FER1L6: variants seen among roughly 807,000 people sequenced by gnomAD.
FER1L6 encodes fer-1-like protein 6.
A neutral mutation model predicts 219.2 loss-of-function variants in FER1L6; 177 were observed. The ratio of observed to expected loss-of-function variants is 0.81; its 90% confidence interval spans 0.71 to 0.91. The LOEUF is 0.91. FER1L6 is among the 40% of genes least tolerant of loss of function. The pLI is 0.00. For missense variants in FER1L6, 2,153 were observed against 2,259.9 expected (o/e 0.95, Z 0.96); for synonymous variants, 768 against 824.3 (o/e 0.93, Z 1.17).
rs56224402 is a variant in FER1L6 at position 123,904,224 on chromosome 8, T to TTGTGTGTGTGTGTGTGTG, written c.-7-51741_-7-51724dup. Among the ~76,000 whole-genome samples, 577 of 139,456 alleles carry TTGTGTGTGTGTGTGTGTG rather than the reference T, an allele frequency of 4.1e-3. 8 individuals are homozygous for TTGTGTGTGTGTGTGTGTG. Among genetic ancestry groups the TTGTGTGTGTGTGTGTGTG allele is most frequent in the Middle Eastern group, 0.012 (3 of 258 alleles). 91.5% of individuals were successfully genotyped at this position (139,456 alleles called of 152,430 possible). On this transcript the variant is annotated intron_variant, in intron 1 of 40. Transcript: ENST00000522917. ...ATATTTTAGAATAAACTCTGTATAT[T>TTGTGTGTGTGTGTGTGTG]TGTGTGTGTGTGTGTGTGTGTGTGT... is the stretch of plus-strand genomic sequence containing the variant.
chr8:124,067,728 A>C lies in FER1L6; in HGVS notation c.3679-39A>C, dbSNP rs748499132. The C allele has an allele frequency of 1.1e-5, 17 of 1,552,268 alleles. No individual in the cohort carries two copies. The South Asian group carries it at 1.9e-4, about 17-fold the overall frequency. ...TTGTTAGCAGTCAATTAATAAATCAAGTATTGTGGTGTCAATAATATTGTC... is the reference window on the plus strand; with the variant it reads ...TTGTTAGCAGTCAATTAATAAATCACGTATTGTGGTGTCAATAATATTGTC... On this transcript the variant is annotated intron_variant, in intron 27 of 40. Transcript: ENST00000522917.
At chr8:123,926,366 A>G (rs1813561327) in intron 1 of FER1L6, among the ~76,000 whole-genome samples, 2 of 152,178 alleles carry the variant, frequency 1.3e-5, no homozygotes, top group Non-Finnish European at 1.5e-5. Flanking sequence ...GTGGCCTGGA[A>G]GTAGGTGGCC....
chr8:124,011,941 G>A (rs7006498), intron 14 of FER1L6, among the ~76,000 whole-genome samples: 3,131 of 152,292 alleles, frequency 0.021, 106 homozygotes, highest in African/African-American at 0.072. Flanking sequence ...TTGAATGTCT[G>A]AAAGTATTTT....
intron 1 of FER1L6, among the ~76,000 whole-genome samples, chr8:123,855,678 CATAT>C (rs765643836): frequency 3.1e-5 from 4 of 129,954 alleles, no homozygotes; most frequent in East Asian, 4.2e-4. Flanking sequence ...AAGTGAAAAC[CATAT>C]GTGTGTGTGT....
chr8:124,103,726 C>T (rs890084640), intron 39 of FER1L6, among the ~76,000 whole-genome samples: 1 of 152,200 alleles, frequency 6.6e-6, no homozygotes, highest in Non-Finnish European at 1.5e-5. Flanking sequence ...CCACTTCCTG[C>T]CAATGCATGT....
chr8:124,033,504 T>C (rs997393602), intron 18 of FER1L6, among the ~76,000 whole-genome samples: 3 of 152,156 alleles, frequency 2.0e-5, no homozygotes, highest in African/African-American at 7.2e-5. Flanking sequence ...GATTTTTTTT[T>C]TTGAGCTCAA....
chr8:123,865,631 A>C (rs1335891860), intron 1 of FER1L6, among the ~76,000 whole-genome samples: 1 of 151,060 alleles, frequency 6.6e-6, no homozygotes, highest in African/African-American at 2.5e-5. Context: ...GCAATCAGCG[A>C]GATTCCGTGG....
intron 19 of FER1L6, among the ~76,000 whole-genome samples, chr8:124,038,273 G>T (rs114622403): frequency 6.6e-6 from 1 of 152,170 alleles, no homozygotes; most frequent in South Asian, 2.1e-4. Flanking sequence ...CACCACCTCC[G>T]CTATGGTCTG....
intron 34 of FER1L6, 103 bp downstream of exon 34, chr8:124,091,686 G>A: frequency 7.9e-7 from 1 of 1,264,316 alleles, no homozygotes; most frequent in East Asian, 2.4e-5. Flanking sequence ...AAGTAATGTG[G>A]CCAGGCACAG....
chr8:124,055,356 T>C (rs6992212), intron 22 of FER1L6, among the ~76,000 whole-genome samples: 3,001 of 151,906 alleles, frequency 0.02, 107 homozygotes, highest in African/African-American at 0.069. Context: ...GCCTGGGTGA[T>C]AGAGCAAGAC....
At chr8:124,057,524 T>A (rs1171030256) in intron 22 of FER1L6, among the ~76,000 whole-genome samples, 1 of 152,200 alleles carries the variant, frequency 6.6e-6, no homozygotes, top group Non-Finnish European at 1.5e-5. Context: ...TGGAAAATTG[T>A]CAGCCTTTAT....
chr8:124,078,713 A>AGCGT (rs61452366), intron 32 of FER1L6, among the ~76,000 whole-genome samples: 1 of 151,780 alleles, frequency 6.6e-6, no homozygotes, highest in African/African-American at 2.4e-5. Flanking sequence ...CCCAGGTGGG[A>AGCGT]TGGGATGGGT....
chr8:124,061,757 AG>A (rs1446980274), intron 24 of FER1L6, 94 bp from the exon 25 acceptor site: 3 of 1,227,880 alleles, frequency 2.4e-6, no homozygotes, highest in Non-Finnish European at 3.5e-6. Flanking sequence ...CAGAATGGCA[AG>A]GCAGAGACAA....
chr8:123,955,888 G>C lies in FER1L6; in HGVS notation c.-7-104G>C, dbSNP rs1041531805. ...GCCCTCATCCTGGGTGGATGAGGAGGCTGGTGGGCTTCATGAAGCTCGGTG... is the reference window on the plus strand; with the variant it reads ...GCCCTCATCCTGGGTGGATGAGGAGCCTGGTGGGCTTCATGAAGCTCGGTG... On this transcript the variant is annotated intron_variant, in intron 1 of 40. Transcript: ENST00000522917. 5.1e-6 allele frequency: 5 copies of C among 988,796 alleles called. No homozygotes were observed. In the African/African-American group the frequency reaches 8.1e-5, roughly 16 times the overall value. The allele number at this position is 988,796 out of a possible 1,614,324, so 61.3% of individuals were successfully genotyped here.
At chr8:124,088,979 C>G (rs1821901485) in intron 33 of FER1L6, among the ~76,000 whole-genome samples, 1 of 152,060 alleles carries the variant, frequency 6.6e-6, no homozygotes, top group Non-Finnish European at 1.5e-5. Flanking sequence ...GTGGTGCGAG[C>G]ACTCCCATGG....
intron 19 of FER1L6, among the ~76,000 whole-genome samples, chr8:124,037,873 A>T (rs1819288823): frequency 6.6e-6 from 1 of 151,104 alleles, no homozygotes; most frequent in African/African-American, 2.4e-5. Flanking sequence ...CCTCATTTCC[A>T]TCCCCTCCAC....
intron 10 of FER1L6, among the ~76,000 whole-genome samples, chr8:123,979,965 T>G (rs76132243): frequency 1.6e-4 from 24 of 152,144 alleles, no homozygotes; most frequent in Admixed American, 5.9e-4. Context: ...CACATGCTCC[T>G]CCCTCTAGCC....
intron 12 of FER1L6, among the ~76,000 whole-genome samples, chr8:123,995,049 T>C (rs1817063357): frequency 6.6e-6 from 1 of 152,222 alleles, no homozygotes; most frequent in Non-Finnish European, 1.5e-5. Flanking sequence ...GGACTTAAAA[T>C]ATTCTGCCTG....
rs753364876 is a variant in FER1L6 at position 124,021,625 on chromosome 8, G to A, written c.2089G>A (p.Glu697Lys). 30 of 1,614,020 alleles carry A rather than the reference G, an allele frequency of 1.9e-5. 1 individual carries two copies. Among genetic ancestry groups the A allele is most frequent in the Non-Finnish European group, 2.2e-5 (26 of 1,180,012 alleles). The change falls in exon 17 of 41, where the codon GAA (glutamate) becomes AAA (lysine). Residue 697 changes from glutamate (E) to lysine (K), a missense_variant. Transcript: ENST00000522917. ...KKLSVDEMIH[E>K]AQNFVEKIRF... ...GTTATCTGTTGATGAAATGATTCAC[G>A]AAGCCCAAAACTTTGTGGAAAAAAT...
Sources: allele counts gnomAD v4.1 joint callset (sites outside exome capture counted in the v4.1 genomes callset), GRCh38; gene constraint gnomAD v4.1.1; transcripts MANE v1.5; gene names NCBI Gene and HGNC (gene_info 2026-07-23, HGNC 2026-07-21).